Variants in CALN1 observed in about 807,000 individuals in gnomAD.
CALN1 encodes the protein calcium-binding protein 8.
In CALN1, 17 loss-of-function variants were observed where a neutral mutation model predicts 30.6. The ratio of observed to expected loss-of-function variants is 0.56; its 90% CI spans 0.38 to 0.83. The LOEUF (loss-of-function observed/expected upper bound fraction) is 0.83. CALN1 is among the 40% of genes least tolerant of loss of function. CALN1 has a pLI of 0.00. For missense variants in CALN1, 291 were observed against 354.9 expected (o/e 0.82, Z 1.45); for synonymous variants, 156 against 131.4 (o/e 1.19, Z -1.28).
intron 2 of CALN1, among the ~76,000 whole-genome samples, chr7:72,354,002 C>G (rs1803084850): frequency 1.3e-5 from 2 of 152,152 alleles, no homozygotes; most frequent in South Asian, 4.1e-4. Context: ...GCCTGGCCAA[C>G]ATGGTGAAAT....
Position 71,785,641 on chromosome 7 carries a change from C to A in CALN1, c.*2134G>T, listed in dbSNP as rs1792948853. 6.6e-6 allele frequency: 1 copy of A among 152,202 alleles called. No individual in the cohort carries two copies. The highest frequency in any genetic ancestry group is 2.4e-5 in the African/African-American group (1 of 41,424). 9.4% of individuals were successfully genotyped at this position (152,202 alleles called of 1,614,324 possible). ...TCAGGGAAAAACAGGAAAGTATATC[C>A]CTTCAAGATCTGCTATGCCCTCCCA... On this transcript the variant is annotated 3_prime_UTR_variant, in exon 7 of 7. Coordinates refer to ENST00000395275, the MANE Select transcript of CALN1 (RefSeq NM_031468.4).
intron 4 of CALN1, among the ~76,000 whole-genome samples, chr7:72,033,566 G>A (rs960362280): frequency 1.1e-4 from 16 of 152,066 alleles, no homozygotes; most frequent in African/African-American, 3.6e-4. Flanking sequence ...TTTGCAGTGA[G>A]CCTTTAAAAG....
rs764678653 is a variant in CALN1, at chr7:72,095,083, A to G, written c.388+11068T>C. 1.4e-4 allele frequency among the ~76,000 whole-genome samples: 22 copies of G among 152,296 alleles called. 1 individual carries two copies. The highest frequency in any genetic ancestry group is 2.5e-4 in the Non-Finnish European group (17 of 68,024). ...CCACTAAAATTGCAAAAAGAATACTATATCTAAAAGCTATCTGGTTAAGAT... is the reference window on the plus strand; with the variant it reads ...CCACTAAAATTGCAAAAAGAATACTGTATCTAAAAGCTATCTGGTTAAGAT... On this transcript the variant is annotated intron_variant, in intron 4 of 6. Coordinates refer to ENST00000395275, the MANE Select transcript of CALN1 (RefSeq NM_031468.4).
At chr7:72,139,464 C>CA (rs895676443) in intron 3 of CALN1, among the ~76,000 whole-genome samples, 1 of 151,000 alleles carries the variant, frequency 6.6e-6, no homozygotes, top group Non-Finnish European at 1.5e-5. Context: ...CCTCTTCTAC[C>CA]AACTTCAGCC....
intron 3 of CALN1, among the ~76,000 whole-genome samples, chr7:72,120,790 G>A (rs562644646): frequency 1.7e-4 from 26 of 152,188 alleles, no homozygotes; most frequent in African/African-American, 4.6e-4. Flanking sequence ...GGAAAAGGAG[G>A]CAATTCAGAT....
intron 2 of CALN1, among the ~76,000 whole-genome samples, chr7:72,349,240 C>A (rs1427210943): frequency 1.3e-5 from 2 of 150,898 alleles, no homozygotes; most frequent in Non-Finnish European, 2.9e-5. Context: ...GATTTTAATA[C>A]CTAAAGCGAG....
intron 2 of CALN1, among the ~76,000 whole-genome samples, chr7:72,396,748 C>T (rs1377883401): frequency 6.6e-6 from 1 of 152,040 alleles, no homozygotes; most frequent in African/African-American, 2.4e-5. Context: ...GAAGGTGACA[C>T]CATTCTTAAG....
At chr7:72,266,445 A>G (rs964091494) in intron 3 of CALN1, among the ~76,000 whole-genome samples, 1 of 152,226 alleles carries the variant, frequency 6.6e-6, no homozygotes. Flanking sequence ...GGAATCAGGT[A>G]ACTGGTGTTT....
At chr7:71,938,530 C>T (rs532813781) in intron 5 of CALN1, among the ~76,000 whole-genome samples, 1 of 152,158 alleles carries the variant, frequency 6.6e-6, no homozygotes, top group South Asian at 2.1e-4. Flanking sequence ...GGCACGGTGG[C>T]TCATGCCTGT....
intron 6 of CALN1, among the ~76,000 whole-genome samples, chr7:71,795,437 T>C (rs1019415059): frequency 6.6e-6 from 1 of 152,214 alleles, no homozygotes; most frequent in Admixed American, 6.5e-5. Context: ...GTTGTAATGA[T>C]CTAGCTTTCA....
At chr7:71,821,734 A>G (rs1788602100) in intron 5 of CALN1, among the ~76,000 whole-genome samples, 1 of 151,370 alleles carries the variant, frequency 6.6e-6, no homozygotes, top group African/African-American at 2.4e-5. Flanking sequence ...CTATTTTTGT[A>G]TCAGTACAGC....
At chr7:72,089,525 G>A (rs1191776111) in intron 4 of CALN1, among the ~76,000 whole-genome samples, 2 of 152,106 alleles carry the variant, frequency 1.3e-5, no homozygotes, top group East Asian at 3.9e-4. Context: ...CACACATATT[G>A]GGTAAAAGTT....
At chr7:72,310,435 A>G (rs888148863) in intron 2 of CALN1, among the ~76,000 whole-genome samples, 3 of 150,880 alleles carry the variant, frequency 2.0e-5, no homozygotes, top group Non-Finnish European at 4.4e-5. Flanking sequence ...AGCAGTGCTA[A>G]TATCAGTAGA....
At chr7:72,110,356 G>A (rs899612177) in intron 3 of CALN1, among the ~76,000 whole-genome samples, 3 of 152,202 alleles carry the variant, frequency 2.0e-5, no homozygotes, top group Non-Finnish European at 4.4e-5. Context: ...GACCATAGAT[G>A]GAGGTCACTC....
intron 6 of CALN1, among the ~76,000 whole-genome samples, chr7:71,798,048 C>T (rs545600191): frequency 7.2e-6 from 1 of 138,866 alleles, no homozygotes; most frequent in Non-Finnish European, 1.5e-5. Flanking sequence ...AGAGAGCAGG[C>T]AAGAGAGAGA....
chr7:72,030,067 G>A (rs569692548), intron 4 of CALN1, among the ~76,000 whole-genome samples: 1 of 152,312 alleles, frequency 6.6e-6, no homozygotes, highest in South Asian at 2.1e-4. Context: ...GATAGTAACA[G>A]ATAGTAACGG....
At chr7:72,219,639 GCACACA>G (rs147484869) in intron 3 of CALN1, among the ~76,000 whole-genome samples, 4 of 151,044 alleles carry the variant, frequency 2.6e-5, no homozygotes, top group African/African-American at 7.3e-5. Flanking sequence ...ACACATGCGC[GCACACA>G]CACACACGCA....
intron 5 of CALN1, among the ~76,000 whole-genome samples, chr7:71,852,471 T>TAAAA (rs35252557): frequency 2.5e-5 from 3 of 118,600 alleles, no homozygotes; most frequent in East Asian, 2.4e-4. Flanking sequence ...ACCCTGTCTC[T>TAAAA]AAAAAAAAAA....
intron 3 of CALN1, among the ~76,000 whole-genome samples, chr7:72,148,989 G>T (rs900643280): frequency 1.3e-5 from 2 of 151,696 alleles, no homozygotes; most frequent in African/African-American, 4.8e-5. Context: ...AGGGAGGAAG[G>T]AAGGAAATAA....
Sources: allele counts gnomAD v4.1 joint callset (sites outside exome capture counted in the v4.1 genomes callset), GRCh38; gene constraint gnomAD v4.1.1; transcripts MANE v1.5; gene names NCBI Gene and HGNC (gene_info 2026-07-23, HGNC 2026-07-21).